Variants in SYNE1 observed in about 807,000 individuals in gnomAD.
SYNE1 encodes the protein nesprin-1.
A neutral mutation model predicts 1,111.0 loss-of-function variants in SYNE1; 616 were observed. The observed-to-expected ratio is 0.55, with a 90% CI of 0.52 to 0.59. The LOEUF (loss-of-function observed/expected upper bound fraction) is 0.59, where lower values mean the gene tolerates loss of function less well. Ranked by LOEUF, SYNE1 falls within the 20% of genes least tolerant of loss-of-function variation. SYNE1 has a pLI of 0.00. For synonymous variants in SYNE1, 3,855 were observed against 3,825.8 expected, an observed-to-expected ratio of 1.01 and a Z score of -0.28; for missense variants, 10,006 against 10,417.0, an observed-to-expected ratio of 0.96 and a Z score of 1.72.
chr6:152,626,619 AG>A (rs1293763105), intron 3 of SYNE1, among the ~76,000 whole-genome samples: 4 of 152,214 alleles, frequency 2.6e-5, no homozygotes, highest in African/African-American at 9.6e-5. Flanking sequence ...ATATTCAGCA[AG>A]GATATTTTAT....
chr6:152,204,622 C>T (rs887912819), intron 126 of SYNE1, among the ~76,000 whole-genome samples: 4 of 152,024 alleles, frequency 2.6e-5, no homozygotes, highest in African/African-American at 4.8e-5. Flanking sequence ...CTTAGGCAAA[C>T]GGATGTAGTG....
intron 102 of SYNE1, 149 bp downstream of exon 102, chr6:152,256,485 T>C: frequency 1.3e-6 from 1 of 796,484 alleles, no homozygotes; most frequent in African/African-American, 1.7e-5. Flanking sequence ...GACTCCAGGG[T>C]CCAGTGATCT....
chr6:152,181,174 G>A (rs1322272381), intron 128 of SYNE1, among the ~76,000 whole-genome samples: 5 of 151,692 alleles, frequency 3.3e-5, no homozygotes, highest in African/African-American at 1.2e-4. Context: ...CACTTTGGGA[G>A]GCCAAGGCGG....
intron 54 of SYNE1, among the ~76,000 whole-genome samples, chr6:152,386,423 C>A (rs1192295781): frequency 6.6e-6 from 1 of 152,040 alleles, no homozygotes; most frequent in African/African-American, 2.4e-5. Context: ...TAAACAAGCA[C>A]ATCTATTAAT....
chr6:152,363,386 C>A (rs930431518), intron 63 of SYNE1, among the ~76,000 whole-genome samples: 1 of 149,862 alleles, frequency 6.7e-6, no homozygotes, highest in Non-Finnish European at 1.5e-5. Context: ...ACCAGCTACT[C>A]GAGAGGCTGA....
intron 32 of SYNE1, among the ~76,000 whole-genome samples, chr6:152,436,973 C>G (rs1270817746): frequency 1.3e-5 from 2 of 151,640 alleles, no homozygotes; most frequent in Non-Finnish European, 2.9e-5. Context: ...TGAGACTAGC[C>G]TTGGCAAAAT....
intron 93 of SYNE1, 49 bp from the exon 94 acceptor site, chr6:152,294,176 G>C (rs780401354): frequency 6.3e-7 from 1 of 1,595,838 alleles, no homozygotes; most frequent in South Asian, 1.1e-5. Context: ...ACAAAGTCTA[G>C]ATTAATATGC....
Position 152,156,086 on chromosome 6 carries a change from T to C in SYNE1, c.23802A>G (p.Arg7934=), listed in dbSNP as rs1305202654. 4.3e-6 allele frequency: 7 copies of C among 1,614,070 alleles called. No homozygotes were observed. In the African/African-American group the frequency reaches 6.7e-5, roughly 15 times the overall value. The change falls in exon 132 of 146, where the codon AGA becomes AGG. Residue 7934 remains arginine, a synonymous_variant. Transcript: ENST00000367255. Reference sequence around the variant, plus strand: ...CACCTGTACTGTGCTTCTCTATGTCTCTCTGAAGCTCCTGCAGGGGAACGT... The same window carrying C: ...CACCTGTACTGTGCTTCTCTATGTCCCTCTGAAGCTCCTGCAGGGGAACGT... ...RKLNEQQELQ[R]DIEKHSTGVA...
rs2061106684 is a variant in SYNE1 at position 152,154,916 on chromosome 6, G to A, written c.24105C>T (p.Ala8035=). 3.1e-6 allele frequency: 5 copies of A among 1,614,086 alleles called. No individual in the cohort carries two copies. Among genetic ancestry groups the A allele is most frequent in the South Asian group, 1.1e-5 (1 of 91,074 alleles). The change falls in exon 133 of 146, where the codon GCC becomes GCT. Residue 8035 remains alanine (A), a synonymous_variant. Coordinates refer to ENST00000367255, the MANE Select transcript of SYNE1 (RefSeq NM_182961.4). The part of the protein sequence containing the change: ...PSSSGVIYTV[A]KEELKKFEAF... ...CCTCAAATTTCTTTAGTTCTTCCTT[G>A]GCAACTGTATAGATCACCCCAGAAG... is the stretch of plus-strand genomic sequence containing the variant.
chr6:152,445,336 T>C (rs2098573178), intron 29 of SYNE1, among the ~76,000 whole-genome samples: 1 of 152,086 alleles, frequency 6.6e-6, no homozygotes, highest in African/African-American at 2.4e-5. Flanking sequence ...TAAATATAAT[T>C]TACAATTTTG....
In SYNE1 at chr6:152,293,980, A is replaced by G. The variant is rs758517456; in HGVS notation, c.17830T>C (p.Trp5944Arg). 6.2e-7 allele frequency: 1 copy of G among 1,614,102 alleles called. No homozygotes were observed. The highest frequency in any genetic ancestry group is 1.1e-5 in the South Asian group (1 of 91,076). The stretch of plus-strand genomic sequence containing the variant: ...CTTACCACATTCTTTAAGGTTTCCC[A>G]AGAACGCTGCAAATCACCCAGTTTG... ...TAKLGDLQRS[W>R]ETLKNVISEK... Residue 5944 changes from tryptophan to arginine, a missense_variant, in exon 94 of 146, where the codon TGG (tryptophan) becomes CGG (arginine). This residue lies in a region of SYNE1 where 4,955 missense variants were observed against 5,017.2 expected (regional missense o/e 0.99). Transcript: ENST00000367255.
At chr6:152,379,135 T>C (rs575814715) in intron 56 of SYNE1, among the ~76,000 whole-genome samples, 1 of 152,284 alleles carries the variant, frequency 6.6e-6, no homozygotes, top group African/African-American at 2.4e-5. Flanking sequence ...ATGAATGGGA[T>C]GACATTAAAA....
At chr6:152,204,023 T>C (rs1341781840) in intron 126 of SYNE1, among the ~76,000 whole-genome samples, 1 of 151,840 alleles carries the variant, frequency 6.6e-6, no homozygotes, top group Non-Finnish European at 1.5e-5. Context: ...CTATCAAACA[T>C]CCTGAATTGA....
intron 40 of SYNE1, among the ~76,000 whole-genome samples, chr6:152,418,043 A>G (rs1293140463): frequency 1.3e-5 from 2 of 152,212 alleles, no homozygotes. Context: ...AGAAATTATC[A>G]CCTATCTTAA....
chr6:152,178,547 G>A (rs779623985), intron 129 of SYNE1, among the ~76,000 whole-genome samples: 10 of 152,206 alleles, frequency 6.6e-5, no homozygotes, highest in Non-Finnish European at 1.0e-4. Flanking sequence ...ATCATTAATA[G>A]TACATGTTGG....
rs6921495 is a variant in SYNE1, at chr6:152,354,002, C to T, written c.10927-258G>A. On this transcript the variant is annotated intron_variant, in intron 67 of 145. Transcript: ENST00000367255. The stretch of plus-strand genomic sequence containing the variant: ...ATTAAAAATGAAAACAGGCCAGGTG[C>T]GGTGGCTCACGCCTGTAGTCCCAGC... 0.57 allele frequency among the ~76,000 whole-genome samples: 87,266 copies of T among 151,892 alleles called. 25,216 individuals are homozygous for T. The highest frequency in any genetic ancestry group is 0.62 in the East Asian group (3,203 of 5,156).
intron 75 of SYNE1, among the ~76,000 whole-genome samples, 156 bp from the exon 76 acceptor site, chr6:152,337,173 CTTCT>C (rs1161627573): frequency 6.6e-6 from 1 of 152,032 alleles, no homozygotes; most frequent in Non-Finnish European, 1.5e-5. Context: ...TTAAAAAGTA[CTTCT>C]TTATTTGCTT....
intron 4 of SYNE1, among the ~76,000 whole-genome samples, chr6:152,528,747 G>A (rs191775606): frequency 1.1e-4 from 16 of 152,246 alleles, no homozygotes; most frequent in Admixed American, 2.0e-4. Flanking sequence ...CTATTATTAC[G>A]TTTTTAGTCT....
At chr6:152,224,974 T>C (rs1168804118) in intron 116 of SYNE1, among the ~76,000 whole-genome samples, 1 of 147,276 alleles carries the variant, frequency 6.8e-6, no homozygotes, top group Non-Finnish European at 1.5e-5. Flanking sequence ...TATATATACA[T>C]ATATGTATAT....
Sources: gnomAD v4.1 joint callset for allele counts (sites outside exome capture counted in the v4.1 genomes callset) on GRCh38, gnomAD v4.1.1 for gene constraint, gnomAD v4.1.1 regional missense constraint, MANE v1.5 for transcripts, NCBI Gene and HGNC (gene_info 2026-07-23, HGNC 2026-07-21) for gene names.